The following PKNOX2 variants were observed in gnomAD, a reference collection of about 807,000 sequenced individuals.
PKNOX2 encodes the protein PBX/knotted 1 homeobox 2.
In PKNOX2, 14 loss-of-function variants were observed where a neutral mutation model predicts 53.1. That is an observed-to-expected ratio of 0.26 (90% CI 0.17 to 0.41). The LOEUF (loss-of-function observed/expected upper bound fraction) is 0.41. Ranked by LOEUF, PKNOX2 falls within the 10% of genes least tolerant of loss-of-function variation. The pLI is 1.00. For missense variants in PKNOX2, 496 were observed against 602.8 expected (o/e 0.82, Z 1.85); for synonymous variants, 257 against 242.8 (o/e 1.06, Z -0.54).
chr11:125,213,530 T>C (rs1454214892), intron 1 of PKNOX2, among the ~76,000 whole-genome samples: 1 of 152,130 alleles, frequency 6.6e-6, no homozygotes, highest in East Asian at 1.9e-4. Context: ...CAATCAGGGC[T>C]CACTGAAGTC....
chr11:125,292,121 A>C (rs1048064147), intron 2 of PKNOX2, among the ~76,000 whole-genome samples: 5 of 152,176 alleles, frequency 3.3e-5, no homozygotes, highest in African/African-American at 9.7e-5. Context: ...TGTGCAGAAG[A>C]CCTACCCATC....
chr11:125,206,588 C>A (rs548990024), intron 1 of PKNOX2, among the ~76,000 whole-genome samples: 4 of 152,060 alleles, frequency 2.6e-5, no homozygotes, highest in Non-Finnish European at 5.9e-5. Flanking sequence ...GGCTGAGAAG[C>A]AGCCAGGTGC....
chr11:125,247,025 T>C (rs1242669793), intron 2 of PKNOX2, among the ~76,000 whole-genome samples: 4 of 152,144 alleles, frequency 2.6e-5, no homozygotes, highest in Non-Finnish European at 4.4e-5. Flanking sequence ...TAAAAATGCA[T>C]TTATTAAGCA....
chr11:125,389,699 T>C (rs1276986983), intron 6 of PKNOX2, among the ~76,000 whole-genome samples: 1 of 152,204 alleles, frequency 6.6e-6, no homozygotes, highest in Non-Finnish European at 1.5e-5. Context: ...AAAATCTGAT[T>C]TACGGGCCCC....
intron 10 of PKNOX2, among the ~76,000 whole-genome samples, chr11:125,416,877 T>C (rs780793289): frequency 6.6e-6 from 1 of 152,080 alleles, no homozygotes; most frequent in Non-Finnish European, 1.5e-5. Context: ...CTGGGGCTTC[T>C]TGTCATTTCT....
At chr11:125,288,125 CTG>C (rs1225234080) in intron 2 of PKNOX2, 1 of 152,204 alleles carries the variant, frequency 6.6e-6, no homozygotes, top group Non-Finnish European at 1.5e-5. Context: ...TTCTCTGAGA[CTG>C]TTTTTTCGCT....
At chr11:125,274,490 T>G (rs1400878252) in intron 2 of PKNOX2, among the ~76,000 whole-genome samples, 1 of 152,172 alleles carries the variant, frequency 6.6e-6, no homozygotes, top group Non-Finnish European at 1.5e-5. Flanking sequence ...CAGCAACTCA[T>G]GAAACCGTGG....
intron 5 of PKNOX2, among the ~76,000 whole-genome samples, chr11:125,373,315 C>T (rs1283342128): frequency 6.6e-6 from 1 of 152,178 alleles, no homozygotes; most frequent in African/African-American, 2.4e-5. Context: ...ACAGAGGAGC[C>T]AGCATATGCT....
intron 2 of PKNOX2, among the ~76,000 whole-genome samples, chr11:125,329,357 A>G (rs531224324): frequency 1.7e-4 from 26 of 152,254 alleles, no homozygotes; most frequent in African/African-American, 6.0e-4. Context: ...TTATTTGTCT[A>G]TTTTTTACAA....
chr11:125,401,644 G>A (rs1258777858), intron 7 of PKNOX2, among the ~76,000 whole-genome samples: 1 of 152,146 alleles, frequency 6.6e-6, no homozygotes, highest in African/African-American at 2.4e-5. Flanking sequence ...GCTTGCATGG[G>A]CTCTCCCAGG....
At chr11:125,170,286 C>T (rs1409260274) in intron 1 of PKNOX2, among the ~76,000 whole-genome samples, 1 of 152,172 alleles carries the variant, frequency 6.6e-6, no homozygotes, top group Non-Finnish European at 1.5e-5. Context: ...AGACGCGGCT[C>T]TGGTGGAATG....
Position 125,313,060 on chromosome 11 carries a change from A to C in PKNOX2, c.-129-18759A>C, listed in dbSNP as rs528423433. On this transcript the variant is annotated intron_variant, in intron 2 of 12. Coordinates refer to ENST00000298282, the MANE Select transcript of PKNOX2 (RefSeq NM_001382323.2). Reference sequence around the variant, plus strand: ...TCGCCTTCCACCGAGGGCAACAGGGAGCTTAGACAGCAGGGATGGGAAGCA... The same window carrying C: ...TCGCCTTCCACCGAGGGCAACAGGGCGCTTAGACAGCAGGGATGGGAAGCA... Among the ~76,000 whole-genome samples the C allele has an allele frequency of 3.0e-3, 455 of 152,138 alleles. 1 individual carries two copies. Among genetic ancestry groups the C allele is most frequent in the South Asian group, 0.021 (101 of 4,798 alleles).
chr11:125,267,255 A>T (rs1056410491), intron 2 of PKNOX2, among the ~76,000 whole-genome samples: 5 of 152,184 alleles, frequency 3.3e-5, no homozygotes, highest in South Asian at 4.1e-4. Context: ...CCTTGTGCTC[A>T]TGTGTGTGTT....
At chr11:125,289,246 G>A (rs1947142246) in intron 2 of PKNOX2, among the ~76,000 whole-genome samples, 1 of 152,208 alleles carries the variant, frequency 6.6e-6, no homozygotes, top group African/African-American at 2.4e-5. Context: ...AAAATGGGGA[G>A]AAGGAGATGA....
intron 2 of PKNOX2, among the ~76,000 whole-genome samples, chr11:125,243,946 CCT>C (rs1943366544): frequency 6.6e-6 from 1 of 152,156 alleles, no homozygotes; most frequent in Admixed American, 6.5e-5. Flanking sequence ...TTAAAGCCTG[CCT>C]CTCTTACCAG....
chr11:125,429,153 C>A, intron 11 of PKNOX2, 65 bp downstream of exon 11: 2 of 1,455,460 alleles, frequency 1.4e-6, no homozygotes, highest in Non-Finnish European at 9.6e-7. Flanking sequence ...CAGGGGAATG[C>A]GTAGCAGGGA....
At chr11:125,227,600 A>G (rs1315519932) in intron 1 of PKNOX2, among the ~76,000 whole-genome samples, 1 of 152,218 alleles carries the variant, frequency 6.6e-6, no homozygotes, top group Non-Finnish European at 1.5e-5. Flanking sequence ...ATGTAGACGT[A>G]TGCATGCCAC....
rs186207810 is a variant in PKNOX2, at chr11:125,316,621, T to G, written c.-129-15198T>G. 1.8e-4 allele frequency among the ~76,000 whole-genome samples: 28 copies of G among 152,362 alleles called. No individual in the cohort carries two copies. In the East Asian group the frequency reaches 4.8e-3, roughly 26 times the overall value. On this transcript the variant is annotated intron_variant, in intron 2 of 12. Transcript: ENST00000298282. ...TATAAAAGTTATGTTTACACTATAC[T>G]GTAGTCTATTAAGTGTGGAATAGCA...
At chr11:125,189,245 T>C (rs965845335) in intron 1 of PKNOX2, among the ~76,000 whole-genome samples, 10 of 151,238 alleles carry the variant, frequency 6.6e-5, no homozygotes, top group Middle Eastern at 3.4e-3. Flanking sequence ...GCCACATTTA[T>C]GTTTTCAGCC....
Sources: gnomAD v4.1 joint callset for allele counts (sites outside exome capture counted in the v4.1 genomes callset) on GRCh38, gnomAD v4.1.1 for gene constraint, MANE v1.5 for transcripts, NCBI Gene and HGNC (gene_info 2026-07-23, HGNC 2026-07-21) for gene names.